Variants in MAPK9 observed in about 807,000 individuals in gnomAD.
MAPK9 encodes the protein mitogen-activated protein kinase 9.
In MAPK9, 30 loss-of-function variants were observed where a neutral mutation model predicts 57.1. The ratio of observed to expected loss-of-function variants is 0.53; its 90% CI spans 0.39 to 0.71. The LOEUF (loss-of-function observed/expected upper bound fraction) is 0.71, where lower values mean the gene tolerates loss of function less well. Ranked by LOEUF, MAPK9 falls within the 30% of genes least tolerant of loss-of-function variation. The pLI is 0.00. For missense variants in MAPK9, 362 were observed against 521.0 expected, an observed-to-expected ratio of 0.69 and a Z score of 2.97; for synonymous variants, 155 against 177.0, an observed-to-expected ratio of 0.88 and a Z score of 0.99.
chr5:180,268,485 T>A (rs17080141), intron 3 of MAPK9, among the ~76,000 whole-genome samples: 4,081 of 152,354 alleles, frequency 0.027, 117 homozygotes, highest in East Asian at 0.12. Flanking sequence ...TAAATTCCTA[T>A]GCACCATAAT....
chr5:180,283,247 C>T (rs1161232662), intron 1 of MAPK9, among the ~76,000 whole-genome samples: 1 of 152,318 alleles, frequency 6.6e-6, no homozygotes, highest in African/African-American at 2.4e-5. Flanking sequence ...CAAGTTCTGA[C>T]TAATAAGATG....
chr5:180,292,060 T>G lies in MAPK9; in HGVS notation c.-260A>C. On this transcript the variant is annotated 5_prime_UTR_variant, in exon 1 of 12. Transcript: ENST00000452135. ...CCGGTCCCGCTCCCTTCTCCGCCGC[T>G]GCCGCCGCCGCGGCGCCCGGTCTGA... 1 of 151,826 alleles carries G rather than the reference T, an allele frequency of 6.6e-6. No homozygotes were observed. The highest frequency in any genetic ancestry group is 6.6e-5 in the Admixed American group (1 of 15,114). 9.4% of individuals were successfully genotyped at this position (151,826 alleles called of 1,614,324 possible).
At chr5:180,242,458 C>A (rs1362931412) in intron 8 of MAPK9, 115 bp downstream of exon 8, 12 of 927,764 alleles carry the variant, frequency 1.3e-5, no homozygotes, top group Non-Finnish European at 1.8e-5. Context: ...CCTCAGACTT[C>A]AGGCCTAAAA....
chr5:180,241,793 T>G (rs955950630), intron 8 of MAPK9, among the ~76,000 whole-genome samples: 4 of 152,202 alleles, frequency 2.6e-5, no homozygotes, highest in African/African-American at 4.8e-5. Context: ...GCAAGGAAGG[T>G]GGCAATTGCC....
intron 1 of MAPK9, among the ~76,000 whole-genome samples, chr5:180,286,787 G>A (rs1468492124): frequency 6.6e-6 from 1 of 152,194 alleles, no homozygotes; most frequent in Non-Finnish European, 1.5e-5. Context: ...CCGAACCACT[G>A]CACACATGCC....
chr5:180,249,248 A>C (rs1362734578), intron 5 of MAPK9, 110 bp from the exon 6 acceptor site: 1 of 990,076 alleles, frequency 1.0e-6, no homozygotes, highest in African/African-American at 1.7e-5. Context: ...AGTGAACTGA[A>C]CTCTGAGATT....
chr5:180,258,642 C>T (rs1410328579), intron 5 of MAPK9, among the ~76,000 whole-genome samples: 1 of 151,982 alleles, frequency 6.6e-6, no homozygotes, highest in Non-Finnish European at 1.5e-5. Context: ...GAGAGAAACC[C>T]AATGAATGTC....
At chr5:180,282,436 G>C (rs1257909359) in intron 1 of MAPK9, among the ~76,000 whole-genome samples, 1 of 152,224 alleles carries the variant, frequency 6.6e-6, no homozygotes, top group Non-Finnish European at 1.5e-5. Flanking sequence ...ACAAGTCACA[G>C]TGCGGTAAGG....
At chr5:180,256,288 TA>T (rs1043108906) in intron 5 of MAPK9, among the ~76,000 whole-genome samples, 5 of 151,048 alleles carry the variant, frequency 3.3e-5, no homozygotes, top group African/African-American at 1.2e-4. Context: ...TAGGCAAAAT[TA>T]AAAGTGTGTC....
intron 3 of MAPK9, among the ~76,000 whole-genome samples, chr5:180,265,596 C>T (rs1318824254): frequency 6.6e-6 from 1 of 152,224 alleles, no homozygotes; most frequent in African/African-American, 2.4e-5. Flanking sequence ...TGAGGTCTCC[C>T]ACATCATGCG....
intron 1 of MAPK9, among the ~76,000 whole-genome samples, chr5:180,288,163 G>A (rs377640649): frequency 6.6e-6 from 1 of 152,270 alleles, no homozygotes; most frequent in South Asian, 2.1e-4. Context: ...ACGAAGCCTC[G>A]TCTAGATCCA....
At chr5:180,246,050 C>T (rs1379580147) in intron 7 of MAPK9, 1 of 152,160 alleles carries the variant, frequency 6.6e-6, no homozygotes, top group African/African-American at 2.4e-5. Context: ...TTTAATTTTA[C>T]TTACTAAAAT....
chr5:180,277,591 G>A (rs969175549), intron 2 of MAPK9, among the ~76,000 whole-genome samples: 21 of 152,124 alleles, frequency 1.4e-4, no homozygotes, highest in African/African-American at 3.1e-4. Context: ...CATCTCAGGC[G>A]GGACCATTAT....
intron 5 of MAPK9, among the ~76,000 whole-genome samples, chr5:180,251,486 C>A (rs1253995724): frequency 6.6e-6 from 1 of 152,214 alleles, no homozygotes; most frequent in African/African-American, 2.4e-5. Context: ...TTACTGCCGT[C>A]TGCTGGAAGA....
intron 11 of MAPK9, 25 bp from the exon 12 acceptor site, chr5:180,236,551 T>C: frequency 6.2e-7 from 1 of 1,603,396 alleles, no homozygotes; most frequent in Non-Finnish European, 8.5e-7. Context: ...CCAAATATAA[T>C]AAAATCTGAG....
chr5:180,251,497 CTG>C (rs1470236566), intron 5 of MAPK9, among the ~76,000 whole-genome samples: 1 of 152,186 alleles, frequency 6.6e-6, no homozygotes, highest in Non-Finnish European at 1.5e-5. Flanking sequence ...TGCTGGAAGA[CTG>C]TGGTGATAAA....
chr5:180,249,697 T>C (rs927332166), intron 5 of MAPK9, among the ~76,000 whole-genome samples: 2 of 152,264 alleles, frequency 1.3e-5, no homozygotes, highest in Non-Finnish European at 2.9e-5. Context: ...CTACTAGCCA[T>C]GCTCAACAGC....
intron 2 of MAPK9, among the ~76,000 whole-genome samples, chr5:180,271,437 C>A (rs1761304038): frequency 6.6e-6 from 1 of 152,174 alleles, no homozygotes; most frequent in African/African-American, 2.4e-5. Flanking sequence ...CAATCGCCAA[C>A]ACCTCCTATT....
intron 2 of MAPK9, among the ~76,000 whole-genome samples, chr5:180,271,059 G>C (rs916003299): frequency 1.3e-5 from 2 of 152,058 alleles, no homozygotes; most frequent in East Asian, 3.8e-4. Context: ...GTTCTCATCA[G>C]AAACTTTTAA....
Sources: allele counts gnomAD v4.1 joint callset (sites outside exome capture counted in the v4.1 genomes callset), GRCh38; gene constraint gnomAD v4.1.1; transcripts MANE v1.5; gene names NCBI Gene and HGNC (gene_info 2026-07-23, HGNC 2026-07-21).